The following PRR16 variants were observed in gnomAD, a reference collection of about 807,000 sequenced individuals.
The protein encoded by PRR16 is protein Largen.
PRR16 carries 6 observed loss-of-function variants against 18.2 expected under a neutral mutation model. The observed-to-expected ratio is 0.33, with a 90% CI of 0.18 to 0.65. The LOEUF is 0.65. PRR16 is among the 30% of genes least tolerant of loss of function. The pLI is 0.74. For synonymous variants in PRR16, 151 were observed against 147.8 expected (o/e 1.02, Z -0.16); for missense variants, 412 against 376.6 (o/e 1.09, Z -0.78).
intron 1 of PRR16, among the ~76,000 whole-genome samples, chr5:120,529,447 A>C (rs1318186846): frequency 1.3e-5 from 2 of 152,166 alleles, no homozygotes; most frequent in Non-Finnish European, 2.9e-5. Flanking sequence ...TTATTTTTAA[A>C]AAGTATCTGT....
At chr5:120,519,890 C>T (rs1387501182) in intron 1 of PRR16, among the ~76,000 whole-genome samples, 1 of 151,838 alleles carries the variant, frequency 6.6e-6, no homozygotes, top group South Asian at 2.1e-4. Context: ...TTTTAAAAAA[C>T]ACTTCATTAT....
At chr5:120,543,808 T>C (rs1751991041) in intron 1 of PRR16, among the ~76,000 whole-genome samples, 1 of 152,178 alleles carries the variant, frequency 6.6e-6, no homozygotes, top group Non-Finnish European at 1.5e-5. Context: ...GAGGAGAACT[T>C]ACTTCTCATC....
intron 1 of PRR16, among the ~76,000 whole-genome samples, chr5:120,675,768 A>T (rs1756773788): frequency 6.6e-6 from 1 of 152,178 alleles, no homozygotes; most frequent in South Asian, 2.1e-4. Context: ...AATAAATTAT[A>T]ATTGAATCCA....
At chr5:120,508,418 T>A (rs1237478491) in intron 1 of PRR16, among the ~76,000 whole-genome samples, 1 of 152,110 alleles carries the variant, frequency 6.6e-6, no homozygotes, top group Non-Finnish European at 1.5e-5. Flanking sequence ...TTACAATAAC[T>A]TAAAGGAGAA....
At chr5:120,702,847 G>T in the PRR16 span, among the ~76,000 whole-genome samples, 3 of 152,150 alleles carry the variant, frequency 2.0e-5, no homozygotes, top group Non-Finnish European at 4.4e-5. Flanking sequence ...CCTTGGGCTG[G>T]TCGGTCTGAG....
intron 1 of PRR16, among the ~76,000 whole-genome samples, chr5:120,514,160 C>T (rs1289833654): frequency 6.6e-6 from 1 of 152,086 alleles, no homozygotes; most frequent in Non-Finnish European, 1.5e-5. Context: ...ATATATGAAC[C>T]TAAGATGCCA....
intron 1 of PRR16, among the ~76,000 whole-genome samples, chr5:120,543,353 G>C (rs1434801438): frequency 6.6e-6 from 1 of 152,076 alleles, no homozygotes; most frequent in Non-Finnish European, 1.5e-5. Flanking sequence ...AACTGATGCA[G>C]TAATTTTATG....
chr5:120,759,392 C>G, the PRR16 span, among the ~76,000 whole-genome samples: 1 of 151,890 alleles, frequency 6.6e-6, no homozygotes, highest in African/African-American at 2.4e-5. Context: ...AGATTTGTAT[C>G]CAAAACATAT....
chr5:120,659,373 T>A (rs1031468783), intron 1 of PRR16, among the ~76,000 whole-genome samples: 1 of 151,894 alleles, frequency 6.6e-6, no homozygotes, highest in East Asian at 1.9e-4. Flanking sequence ...TGGCAATTTT[T>A]AAATGTCAAA....
chr5:120,603,382 A>G (rs1485922298), intron 1 of PRR16, among the ~76,000 whole-genome samples: 1 of 151,744 alleles, frequency 6.6e-6, no homozygotes, highest in East Asian at 1.9e-4. Flanking sequence ...ATGGCTTTTT[A>G]TGTTTCTGAG....
chr5:120,736,739 G>A, the PRR16 span, among the ~76,000 whole-genome samples: 1 of 151,724 alleles, frequency 6.6e-6, no homozygotes, highest in African/African-American at 2.4e-5. Context: ...ATGTCTTTCC[G>A]TTTATGTGTG....
chr5:120,791,027 G>T, the PRR16 span, among the ~76,000 whole-genome samples: 1 of 152,060 alleles, frequency 6.6e-6, no homozygotes, highest in African/African-American at 2.4e-5. Flanking sequence ...ACAGTGAAAT[G>T]CACACTAAGC....
chr5:120,764,436 A>T, the PRR16 span, among the ~76,000 whole-genome samples: 5 of 151,562 alleles, frequency 3.3e-5, no homozygotes, highest in African/African-American at 4.8e-5. Flanking sequence ...ATTTTTTTTT[A>T]ATGTGCTCTT....
chr5:120,782,452 C>G, the PRR16 span, among the ~76,000 whole-genome samples: 1 of 152,154 alleles, frequency 6.6e-6, no homozygotes, highest in Admixed American at 6.5e-5. Flanking sequence ...CCTGATGGGA[C>G]AGTGACACGT....
intron 1 of PRR16, among the ~76,000 whole-genome samples, chr5:120,592,035 A>G (rs555173952): frequency 6.6e-6 from 1 of 152,250 alleles, no homozygotes; most frequent in Admixed American, 6.5e-5. Flanking sequence ...AACAGCTTGA[A>G]TCTTTATGTA....
chr5:120,632,702 T>A (rs1432055216), intron 1 of PRR16, among the ~76,000 whole-genome samples: 3 of 152,084 alleles, frequency 2.0e-5, no homozygotes, highest in Non-Finnish European at 4.4e-5. Context: ...TTTAAAAAGA[T>A]GAACAAAGCC....
chr5:120,469,135 C>A (rs1580609357), intron 1 of PRR16, among the ~76,000 whole-genome samples: 1 of 152,120 alleles, frequency 6.6e-6, no homozygotes, highest in Admixed American at 6.5e-5. Flanking sequence ...CTGATTTGAA[C>A]TGATGAAAAC....
In PRR16 at chr5:120,583,585, A is replaced by T. The variant is rs1322464008; in HGVS notation, c.160-102369A>T. ...GACCATGACTGGAAACAGGTCTAAG[A>T]ATGAAAGAACTGTGTCAAGACTGCC... On this transcript the variant is annotated intron_variant, in intron 1 of 1. Coordinates refer to ENST00000407149, the MANE Select transcript of PRR16 (RefSeq NM_001300783.2). 2.6e-5 allele frequency among the ~76,000 whole-genome samples: 4 copies of T among 152,138 alleles called. No individual in the cohort carries two copies. The South Asian group carries it at 8.3e-4, about 32-fold the overall frequency.
intron 1 of PRR16, among the ~76,000 whole-genome samples, chr5:120,620,780 C>T (rs1754663638): frequency 6.6e-6 from 1 of 152,076 alleles, no homozygotes; most frequent in Non-Finnish European, 1.5e-5. Flanking sequence ...TCTCTCTTTG[C>T]TCCCCATCCC....
Sources: allele counts gnomAD v4.1 joint callset (sites outside exome capture counted in the v4.1 genomes callset), GRCh38; gene constraint gnomAD v4.1.1; transcripts MANE v1.5; gene names NCBI Gene and HGNC (gene_info 2026-07-23, HGNC 2026-07-21).